Variants in FRMD4B observed in about 807,000 individuals in gnomAD.
FRMD4B encodes the protein FERM domain-containing protein 4B.
Under a neutral mutation model 141.5 loss-of-function variants are expected in FRMD4B, and 74 were observed. That is an observed-to-expected ratio of 0.52 (90% CI 0.43 to 0.63). The LOEUF (loss-of-function observed/expected upper bound fraction) is 0.63, where lower values mean the gene tolerates loss of function less well. Ranked by LOEUF, FRMD4B falls within the 30% of genes least tolerant of loss-of-function variation. The pLI is 0.00. For synonymous variants in FRMD4B, 506 were observed against 467.9 expected (o/e 1.08, Z -1.05); for missense variants, 1,366 against 1,253.4 (o/e 1.09, Z -1.36).
intron 1 of FRMD4B, among the ~76,000 whole-genome samples, 164 bp from the exon 2 acceptor site, chr3:69,313,681 A>G (rs1701687048): frequency 6.6e-6 from 1 of 152,234 alleles, no homozygotes; most frequent in East Asian, 1.9e-4. Context: ...ATATGGGAGT[A>G]ACTGGATTTA....
chr3:69,196,645 A>T, intron 13 of FRMD4B: 1 of 573,430 alleles, frequency 1.7e-6, no homozygotes, highest in Non-Finnish European at 3.0e-6. Context: ...GTCACCGGCA[A>T]CATCACCGCC....
At chr3:69,318,207 T>G (rs1428831702) in intron 1 of FRMD4B, among the ~76,000 whole-genome samples, 1 of 152,072 alleles carries the variant, frequency 6.6e-6, no homozygotes, top group Non-Finnish European at 1.5e-5. Context: ...TCTCCTGGGC[T>G]CAAGCAACCT....
Position 69,181,008 on chromosome 3 carries a change from G to T in FRMD4B, c.2742C>A (p.His914Gln). The T allele has an allele frequency of 6.2e-7, 1 of 1,613,994 alleles. No homozygotes were observed. The highest frequency in any genetic ancestry group is 8.5e-7 in the Non-Finnish European group (1 of 1,179,846). Residue 914 changes from histidine to glutamine, a missense_variant, in exon 21 of 23, where the codon CAC (histidine) becomes CAA (glutamine). By Grantham distance (24) the His-to-Gln change is conservative. Coordinates refer to ENST00000398540, the MANE Select transcript of FRMD4B (RefSeq NM_015123.3). ...QRASGQKDQG[H>Q]SPQTSFDSDR... ...CTGAGTCAAAGCTGGTCTGCGGGCT[G>T]TGTCCCTGATCCTTCTGCCCAGAGG... is the stretch of plus-strand genomic sequence containing the variant.
chr3:69,231,802 A>G (rs931924941), intron 7 of FRMD4B, among the ~76,000 whole-genome samples: 3 of 152,208 alleles, frequency 2.0e-5, no homozygotes, highest in African/African-American at 7.2e-5. Flanking sequence ...ATCCACTGGG[A>G]TGTTAGAAAC....
chr3:69,342,061 T>G (rs1702757152), intron 1 of FRMD4B, among the ~76,000 whole-genome samples: 1 of 152,192 alleles, frequency 6.6e-6, no homozygotes, highest in Non-Finnish European at 1.5e-5. Flanking sequence ...CTCTCACAGG[T>G]CTACTAATGA....
At chr3:69,179,841 T>A (rs2092686263) in intron 21 of FRMD4B, among the ~76,000 whole-genome samples, 4 of 152,160 alleles carry the variant, frequency 2.6e-5, no homozygotes, top group African/African-American at 9.7e-5. Flanking sequence ...CAGGAACTAG[T>A]TCAACAATGG....
intron 1 of FRMD4B, among the ~76,000 whole-genome samples, chr3:69,532,699 C>A (rs1459004221): frequency 6.6e-6 from 1 of 152,182 alleles, no homozygotes; most frequent in Non-Finnish European, 1.5e-5. Context: ...GCTGGCCATG[C>A]AAGCTTTGTG....
intron 1 of FRMD4B, among the ~76,000 whole-genome samples, chr3:69,450,628 C>A (rs1392116399): frequency 6.6e-6 from 1 of 152,156 alleles, no homozygotes; most frequent in African/African-American, 2.4e-5. Context: ...GTTGTACGTG[C>A]CTATAATCCC....
rs573513407 is a variant in FRMD4B, at chr3:69,263,272, A to AATAT, written c.502-13174_502-13173insATAT. On this transcript the variant is annotated intron_variant, in intron 5 of 22. Transcript: ENST00000398540. ...ACTCCGTCTCAAAAATAAATAAATA[A>AATAT]ATAAATAAAAAAGCAAATGGTAGCA... Among the ~76,000 whole-genome samples, 36 of 152,198 alleles carry AATAT rather than the reference A, an allele frequency of 2.4e-4. No individual in the cohort carries two copies. The South Asian group carries it at 6.6e-3, about 28-fold the overall frequency.
intron 1 of FRMD4B, among the ~76,000 whole-genome samples, chr3:69,485,190 C>G (rs963734691): frequency 6.6e-6 from 1 of 152,234 alleles, no homozygotes; most frequent in Non-Finnish European, 1.5e-5. Context: ...GGTGCACACA[C>G]CCGGCTGGGC....
intron 2 of FRMD4B, among the ~76,000 whole-genome samples, chr3:69,408,908 G>C (rs115125225): frequency 0.011 from 1,623 of 152,264 alleles, 23 homozygotes; most frequent in African/African-American, 0.037. Flanking sequence ...TTTGAAGTCA[G>C]ATTCTATCAA....
intron 4 of FRMD4B, among the ~76,000 whole-genome samples, chr3:69,297,967 A>G (rs771926272): frequency 2.0e-5 from 3 of 152,238 alleles, no homozygotes; most frequent in Non-Finnish European, 4.4e-5. Flanking sequence ...AGGGAACACT[A>G]CATGCCTTTG....
At chr3:69,233,815 G>A (rs981031231) in intron 7 of FRMD4B, among the ~76,000 whole-genome samples, 1 of 152,170 alleles carries the variant, frequency 6.6e-6, no homozygotes, top group East Asian at 1.9e-4. Flanking sequence ...ACATTTGCCA[G>A]TCTTCTAGTG....
chr3:69,378,729 A>G (rs997092167), intron 1 of FRMD4B, among the ~76,000 whole-genome samples: 1 of 152,040 alleles, frequency 6.6e-6, no homozygotes, highest in African/African-American at 2.4e-5. Flanking sequence ...TCAAAATTCT[A>G]AAGTACAGGG....
chr3:69,466,801 T>C (rs1411255880), intron 1 of FRMD4B, among the ~76,000 whole-genome samples: 1 of 152,172 alleles, frequency 6.6e-6, no homozygotes, highest in Non-Finnish European at 1.5e-5. Flanking sequence ...GGTTCACTGA[T>C]CCTCCCATCT....
intron 11 of FRMD4B, chr3:69,200,232 G>A (rs2092952238): frequency 6.0e-6 from 1 of 165,792 alleles, no homozygotes. Flanking sequence ...GTTCAGACTG[G>A]ACCCCCCAAT....
Position 69,337,782 on chromosome 3 carries a change from G to A in FRMD4B, c.163-24265C>T, listed in dbSNP as rs566984468. 8.5e-5 allele frequency among the ~76,000 whole-genome samples: 13 copies of A among 152,240 alleles called. No homozygotes were observed. The East Asian group carries it at 2.5e-3, about 29-fold the overall frequency. Reference sequence around the variant, plus strand: ...ATACCATCTCACACCAGTTAAAATGGCAATCATTAAAAAGTCAGGAAACAA... The same window carrying A: ...ATACCATCTCACACCAGTTAAAATGACAATCATTAAAAAGTCAGGAAACAA... On this transcript the variant is annotated intron_variant, in intron 1 of 22. Transcript: ENST00000398540.
intron 1 of FRMD4B, among the ~76,000 whole-genome samples, chr3:69,322,498 T>C (rs75578778): frequency 0.011 from 1,685 of 152,232 alleles, 16 homozygotes; most frequent in Non-Finnish European, 0.018. Flanking sequence ...TTACTACATG[T>C]CACACGAGTA....
intron 2 of FRMD4B, among the ~76,000 whole-genome samples, chr3:69,418,002 T>C (rs1006067134): frequency 6.6e-6 from 1 of 152,190 alleles, no homozygotes; most frequent in African/African-American, 2.4e-5. Flanking sequence ...ACAGGGGTCT[T>C]GTGATGGTAT....
Sources: allele counts gnomAD v4.1 joint callset (sites outside exome capture counted in the v4.1 genomes callset), GRCh38; gene constraint gnomAD v4.1.1; transcripts MANE v1.5; gene names NCBI Gene and HGNC (gene_info 2026-07-23, HGNC 2026-07-21).